Variants in ADGRL3 observed in about 807,000 individuals in gnomAD.
The protein encoded by ADGRL3 is calcium-independent alpha-latrotoxin receptor 3.
In ADGRL3, 62 loss-of-function variants were observed where a neutral mutation model predicts 153.5. That is an observed-to-expected ratio of 0.40 (90% confidence interval 0.33 to 0.50). The LOEUF is 0.50. Among genes scored for constraint, ADGRL3 ranks in the 20% least tolerant of loss-of-function variants. The probability of loss-of-function intolerance (pLI) is 0.47; values close to 1 mark genes in which losing one functional copy is unlikely to be tolerated. For synonymous variants in ADGRL3, 710 were observed against 672.5 expected (o/e 1.06, Z -0.86); for missense variants, 1,641 against 1,859.4 (o/e 0.88, Z 2.16).
At chr4:61,720,930 G>C (rs2096231817) in intron 6 of ADGRL3, among the ~76,000 whole-genome samples, 1 of 152,174 alleles carries the variant, frequency 6.6e-6, no homozygotes, top group Non-Finnish European at 1.5e-5. Context: ...CTAGTTATAT[G>C]AGTCTTCTAC....
intron 2 of ADGRL3, among the ~76,000 whole-genome samples, chr4:61,394,299 T>C (rs2096845315): frequency 6.6e-6 from 1 of 151,986 alleles, no homozygotes. Context: ...TATTGTTCTC[T>C]TAAAGAATAA....
At chr4:61,569,287 A>T (rs2098829016) in intron 4 of ADGRL3, among the ~76,000 whole-genome samples, 1 of 152,174 alleles carries the variant, frequency 6.6e-6, no homozygotes, top group African/African-American at 2.4e-5. Flanking sequence ...CACATGCCAT[A>T]AGACTCATTC....
chr4:61,597,749 A>G (rs2098995167), intron 5 of ADGRL3, among the ~76,000 whole-genome samples: 1 of 151,236 alleles, frequency 6.6e-6, no homozygotes, highest in South Asian at 2.1e-4. Context: ...GTTATAGGTG[A>G]TATATATTTC....
chr4:62,011,870 T>C (rs2099188122), intron 21 of ADGRL3, among the ~76,000 whole-genome samples: 1 of 152,152 alleles, frequency 6.6e-6, no homozygotes, highest in African/African-American at 2.4e-5. Context: ...ATCTCTTTGA[T>C]AACATAATCT....
chr4:62,021,233 T>C (rs1001758500), intron 21 of ADGRL3, among the ~76,000 whole-genome samples: 10 of 152,142 alleles, frequency 6.6e-5, no homozygotes, highest in Admixed American at 2.0e-4. Flanking sequence ...TAATTTTGTG[T>C]AGCAAATAAA....
rs1300843385 is a variant in ADGRL3, at chr4:61,605,068, C to T, written c.473+17628C>T. Among the ~76,000 whole-genome samples, 16 of 108,288 alleles carry T rather than the reference C, an allele frequency of 1.5e-4. No homozygotes were observed. In the Admixed American group the frequency reaches 1.6e-3, roughly 11 times the overall value. 71.0% of individuals were successfully genotyped at this position (108,288 alleles called of 152,430 possible). On this transcript the variant is annotated intron_variant, in intron 5 of 26. Transcript: ENST00000683033. ...TCATGCCATTGCACTTCAGCCTAGG[C>T]GACAGAGTGAGACTCTGTCTCAAAA...
chr4:61,770,461 G>A (rs536552632), intron 8 of ADGRL3, among the ~76,000 whole-genome samples: 64 of 152,128 alleles, frequency 4.2e-4, no homozygotes, highest in Non-Finnish European at 8.5e-4. Flanking sequence ...AAGGATGTAT[G>A]GTTTCTCTGA....
intron 2 of ADGRL3, among the ~76,000 whole-genome samples, chr4:61,391,840 A>G (rs187896533): frequency 6.7e-6 from 1 of 150,312 alleles, no homozygotes; most frequent in East Asian, 2.0e-4. Context: ...AAAATTATCC[A>G]AGTGAAAAAT....
rs1725909409 is a variant in ADGRL3, at chr4:62,037,796, C to T, written c.3657C>T (p.Ser1219=). The T allele has an allele frequency of 6.2e-7, 1 of 1,613,694 alleles. No individual in the cohort carries two copies. Among genetic ancestry groups the T allele is most frequent in the South Asian group, 1.1e-5 (1 of 91,082 alleles). The change falls in exon 24 of 27, where the codon TCC becomes TCT. Residue 1219 remains serine (S), a synonymous_variant. Coordinates refer to ENST00000683033, the MANE Select transcript of ADGRL3 (RefSeq NM_001387552.1). ...GTAGTGGCAAAAGTACAGAGAGTTC[C>T]ATTGGTTCAGGGAAAACATCTGGTT... ...HCCSGKSTES[S]IGSGKTSGSR...
At chr4:61,703,438 G>C (rs1016085194) in intron 6 of ADGRL3, among the ~76,000 whole-genome samples, 1 of 152,152 alleles carries the variant, frequency 6.6e-6, no homozygotes, top group South Asian at 2.1e-4. Flanking sequence ...GAGTGAAAAG[G>C]TTATGCTGAG....
chr4:61,242,461 T>TC (rs1755374993), intron 1 of ADGRL3, among the ~76,000 whole-genome samples: 1 of 152,096 alleles, frequency 6.6e-6, no homozygotes, highest in African/African-American at 2.4e-5. Context: ...TTTTCTTTTT[T>TC]CTATTATCTC....
At chr4:61,318,915 A>G (rs921364085) in intron 1 of ADGRL3, among the ~76,000 whole-genome samples, 1 of 152,208 alleles carries the variant, frequency 6.6e-6, no homozygotes, top group Non-Finnish European at 1.5e-5. Flanking sequence ...ACATTTATTT[A>G]GCAATTATGA....
intron 1 of ADGRL3, among the ~76,000 whole-genome samples, chr4:61,264,092 A>G (rs1043285461): frequency 6.6e-6 from 1 of 152,036 alleles, no homozygotes; most frequent in Non-Finnish European, 1.5e-5. Context: ...TTACTGCGCC[A>G]TAAATAATTG....
At chr4:61,229,128 A>G (rs1022192459) in intron 1 of ADGRL3, among the ~76,000 whole-genome samples, 6 of 152,202 alleles carry the variant, frequency 3.9e-5, no homozygotes, top group Non-Finnish European at 8.8e-5. Flanking sequence ...GTGATCTTCT[A>G]GCCTATAGGC....
intron 18 of ADGRL3, among the ~76,000 whole-genome samples, chr4:61,982,506 G>A (rs771346050): frequency 6.6e-6 from 1 of 152,122 alleles, no homozygotes; most frequent in Non-Finnish European, 1.5e-5. Context: ...TGATAACTTC[G>A]GTAAGTTTGT....
At chr4:61,724,372 T>C (rs1003219203) in intron 6 of ADGRL3, among the ~76,000 whole-genome samples, 6 of 152,180 alleles carry the variant, frequency 3.9e-5, no homozygotes, top group Non-Finnish European at 7.3e-5. Flanking sequence ...GTTTTGCAGA[T>C]CCATCAATGG....
chr4:61,869,960 A>AAAAAAAAAAAAAGAG (rs1554051477), intron 9 of ADGRL3, among the ~76,000 whole-genome samples: 15 of 101,876 alleles, frequency 1.5e-4, no homozygotes, highest in East Asian at 7.9e-4. Context: ...AAAAAAAAAA[A>AAAAAAAAAAAAAGAG]AGAGAGAGAG....
chr4:61,619,305 A>G (rs895508015), intron 5 of ADGRL3, among the ~76,000 whole-genome samples: 15 of 152,150 alleles, frequency 9.9e-5, no homozygotes, highest in African/African-American at 3.6e-4. Flanking sequence ...TTTAAATTGT[A>G]ATCTTTCATG....
chr4:61,241,971 A>C (rs148960793), intron 1 of ADGRL3, among the ~76,000 whole-genome samples: 6 of 152,038 alleles, frequency 3.9e-5, no homozygotes, highest in Non-Finnish European at 8.8e-5. Context: ...AATAATTAGT[A>C]TGGCCAGACC....
Sources: gnomAD v4.1 joint callset for allele counts (sites outside exome capture counted in the v4.1 genomes callset) on GRCh38, gnomAD v4.1.1 for gene constraint, MANE v1.5 for transcripts, NCBI Gene and HGNC (gene_info 2026-07-23, HGNC 2026-07-21) for gene names.